Variants in DPH6 observed in about 807,000 individuals in gnomAD.
DPH6 encodes the protein diphthamine biosynthesis 6, also known as diphthine--ammonia ligase.
DPH6 carries 33 observed loss-of-function variants against 38.2 expected under a neutral mutation model. That is an observed-to-expected ratio of 0.86 (90% CI 0.65 to 1.15). The LOEUF (loss-of-function observed/expected upper bound fraction) is 1.15, where lower values mean the gene tolerates loss of function less well. Ranked by LOEUF, DPH6 falls within the 50% of genes most tolerant of loss-of-function variation. The pLI, the probability that DPH6 is intolerant of heterozygous loss-of-function variation, is 0.00. For synonymous variants in DPH6, 108 were observed against 103.0 expected (o/e 1.05, Z -0.30); for missense variants, 325 against 320.0 (o/e 1.02, Z -0.12).
chr15:35,193,401 T>C, the DPH6 span, among the ~76,000 whole-genome samples: 1 of 151,944 alleles, frequency 6.6e-6, no homozygotes, highest in South Asian at 2.1e-4. Flanking sequence ...ATTAATAATA[T>C]GTAGATAATA....
chr15:35,149,323 T>C, the DPH6 span, among the ~76,000 whole-genome samples: 19 of 152,258 alleles, frequency 1.2e-4, no homozygotes, highest in African/African-American at 4.3e-4. Flanking sequence ...CTGCAACCTC[T>C]GCCTCCCAGG....
intron 5 of DPH6, among the ~76,000 whole-genome samples, chr15:35,424,038 A>G (rs1030881756): frequency 8.0e-5 from 12 of 150,942 alleles, no homozygotes; most frequent in South Asian, 6.3e-4. Context: ...TAATTTGGCT[A>G]CTTGTGGTCT....
At chr15:35,369,490 C>G (rs542114052), downstream of DPH6, among the ~76,000 whole-genome samples, 6 of 151,542 alleles carry the variant, frequency 4.0e-5, no homozygotes, top group Non-Finnish European at 7.4e-5. Flanking sequence ...AGAATTCCTT[C>G]TCTACCATGT....
intron 3 of DPH6, among the ~76,000 whole-genome samples, chr15:35,256,173 A>T (rs1240263578): frequency 1.3e-5 from 2 of 152,146 alleles, no homozygotes; most frequent in Non-Finnish European, 2.9e-5. Context: ...CAATATTTAC[A>T]AATTTTATTA....
the DPH6 span, among the ~76,000 whole-genome samples, chr15:35,170,220 T>C: frequency 7.2e-5 from 11 of 152,194 alleles, no homozygotes; most frequent in African/African-American, 2.4e-4. Flanking sequence ...AATTGGAAAT[T>C]AACCAGTTGG....
chr15:35,247,452 G>A (rs998904231), intron 3 of DPH6, among the ~76,000 whole-genome samples: 1 of 152,178 alleles, frequency 6.6e-6, no homozygotes, highest in Non-Finnish European at 1.5e-5. Context: ...ATCCTGGCCT[G>A]CCAGCTTTCA....
chr15:35,208,764 C>T, the DPH6 span, among the ~76,000 whole-genome samples: 1 of 152,100 alleles, frequency 6.6e-6, no homozygotes, highest in Non-Finnish European at 1.5e-5. Context: ...CTCTCTTTCC[C>T]CATACCCCTC....
chr15:35,207,038 C>CTTTTTTT, the DPH6 span, among the ~76,000 whole-genome samples: 3 of 74,066 alleles, frequency 4.1e-5, no homozygotes, highest in Non-Finnish European at 7.1e-5. Context: ...TTTAGTAAAG[C>CTTTTTTT]TTTTTTTTTT....
chr15:35,164,451 T>C, the DPH6 span, among the ~76,000 whole-genome samples: 4 of 151,934 alleles, frequency 2.6e-5, no homozygotes, highest in African/African-American at 9.6e-5. Flanking sequence ...ACTATGAAAC[T>C]TGGCAAAATC....
intron 3 of DPH6, among the ~76,000 whole-genome samples, chr15:35,273,743 G>A (rs910913125): frequency 2.0e-5 from 3 of 152,042 alleles, no homozygotes; most frequent in African/African-American, 7.2e-5. Flanking sequence ...CACTGCTCAA[G>A]GAAATAAGAG....
chr15:35,490,139 A>C, intron 3 of DPH6: 1 of 985,398 alleles, frequency 1.0e-6, no homozygotes, highest in Non-Finnish European at 1.2e-6. Context: ...TCATTGGGTT[A>C]ATTTGTACTT....
chr15:35,277,792 G>A (rs2051869347), intron 3 of DPH6, among the ~76,000 whole-genome samples: 1 of 152,178 alleles, frequency 6.6e-6, no homozygotes, highest in African/African-American at 2.4e-5. Context: ...CATGTCCTAG[G>A]AATCTGTGGA....
the DPH6 span, among the ~76,000 whole-genome samples, chr15:35,197,263 GT>G: frequency 2.6e-5 from 4 of 152,162 alleles, no homozygotes; most frequent in African/African-American, 7.2e-5. Flanking sequence ...AATGGCAGCA[GT>G]AAAGGGAAAA....
At chr15:35,378,322 A>G (rs1046442433) in intron 7 of DPH6, among the ~76,000 whole-genome samples, 1 of 152,206 alleles carries the variant, frequency 6.6e-6, no homozygotes, top group African/African-American at 2.4e-5. Context: ...AAAAGTCAGG[A>G]AACAACACAT....
At chr15:35,198,035 G>GA in the DPH6 span, among the ~76,000 whole-genome samples, 16 of 151,744 alleles carry the variant, frequency 1.1e-4, no homozygotes, top group African/African-American at 3.4e-4. Context: ...ATAAAAAAAA[G>GA]AAAAACAACA....
chr15:35,157,447 A>G, the DPH6 span, among the ~76,000 whole-genome samples: 1 of 152,164 alleles, frequency 6.6e-6, no homozygotes, highest in Non-Finnish European at 1.5e-5. Flanking sequence ...AGATTTTATT[A>G]GATTCTTAAA....
At chr15:35,268,662 A>G (rs566597930) in intron 3 of DPH6, among the ~76,000 whole-genome samples, 196 of 152,004 alleles carry the variant, frequency 1.3e-3, no homozygotes, top group Middle Eastern at 0.01. Flanking sequence ...TTTTGAAAAC[A>G]TAAGATTAAA....
intron 3 of DPH6, among the ~76,000 whole-genome samples, chr15:35,263,400 T>TTA (rs1407260630): frequency 3.0e-5 from 2 of 66,734 alleles, no homozygotes; most frequent in Non-Finnish European, 5.6e-5. Context: ...TAATTAATCT[T>TTA]TTTTTTTTTT....
intron 7 of DPH6, among the ~76,000 whole-genome samples, chr15:35,374,833 C>T (rs1045600359): frequency 6.6e-6 from 1 of 152,002 alleles, no homozygotes; most frequent in Non-Finnish European, 1.5e-5. Flanking sequence ...AGAGAAAGTA[C>T]AGAGGAGGCC....
Sources: gnomAD v4.1 joint callset for allele counts (sites outside exome capture counted in the v4.1 genomes callset) on GRCh38, gnomAD v4.1.1 for gene constraint, MANE v1.5 for transcripts, NCBI Gene and HGNC (gene_info 2026-07-23, HGNC 2026-07-21) for gene names.